The following POTEF variants were observed in gnomAD, a reference collection of about 807,000 sequenced individuals.
POTEF encodes ANKRD26-like family C member 1B.
POTEF carries 20 observed loss-of-function variants against 83.2 expected under a neutral mutation model. The ratio of observed to expected loss-of-function variants is 0.24; its 90% CI spans 0.17 to 0.35. The LOEUF is 0.35. Ranked by LOEUF, POTEF falls within the 10% of genes least tolerant of loss-of-function variation. POTEF has a pLI of 1.00. For missense variants in POTEF, 550 were observed against 1,203.2 expected (o/e 0.46, Z 8.03); for synonymous variants, 196 against 446.4 (o/e 0.44, Z 7.07).
At chr2:130,110,314 G>A (rs1236061483) in intron 7 of POTEF, among the ~76,000 whole-genome samples, 1 of 149,518 alleles carries the variant, frequency 6.7e-6, no homozygotes, top group Non-Finnish European at 1.5e-5. Context: ...GGATCTCTAA[G>A]GATAAAGATC....
In POTEF at chr2:130,107,583, C is replaced by T. The variant is rs187512159; in HGVS notation, c.1126+426G>A. Reference sequence around the variant, plus strand: ...CTGTATTTACAGCCACTCCTTATGGCTCATATTACAGCCTCTACTCTGCCT... The same window carrying T: ...CTGTATTTACAGCCACTCCTTATGGTTCATATTACAGCCTCTACTCTGCCT... On this transcript the variant is annotated intron_variant, in intron 8 of 16. Transcript: ENST00000409914. 6.4e-3 allele frequency: 1,506 copies of T among 233,586 alleles called. 65 individuals carry two copies. Among genetic ancestry groups the T allele is most frequent in the Middle Eastern group, 0.027 (16 of 596 alleles). 14.5% of individuals were successfully genotyped at this position (233,586 alleles called of 1,614,324 possible).
chr2:130,086,280 CTT>C, intron 14 of POTEF, 61 bp downstream of exon 14: 1 of 1,170,802 alleles, frequency 8.5e-7, no homozygotes, highest in Non-Finnish European at 1.2e-6. Context: ...ATTTACTACA[CTT>C]TGTTAAACAA....
chr2:130,121,941 A>G (rs1167103785), intron 2 of POTEF, among the ~76,000 whole-genome samples: 5 of 149,646 alleles, frequency 3.3e-5, no homozygotes, highest in Admixed American at 1.3e-4. Context: ...CCCATTAGCA[A>G]TCTTTCCCTA....
intron 2 of POTEF, among the ~76,000 whole-genome samples, chr2:130,126,305 A>C (rs1685090919): frequency 6.4e-4 from 1 of 1,574 alleles, no homozygotes; most frequent in Non-Finnish European, 2.1e-3. Flanking sequence ...CTCCATCTCA[A>C]AAAAAAAAAA....
At chr2:130,115,802 A>C (rs1684830573) in intron 3 of POTEF, among the ~76,000 whole-genome samples, 1 of 152,136 alleles carries the variant, frequency 6.6e-6, no homozygotes, top group South Asian at 2.1e-4. Flanking sequence ...TTGAATTGAG[A>C]TGATACAATT....
In POTEF at chr2:130,097,763, AAAT is replaced by A. The variant is rs1363402756; in HGVS notation, c.1409+1704_1409+1706del. 5.3e-5 allele frequency among the ~76,000 whole-genome samples: 8 copies of A among 152,156 alleles called. No individual in the cohort carries two copies. In the South Asian group the frequency reaches 1.2e-3, roughly 24 times the overall value. Reference sequence around the variant, plus strand: ...AGGAATAAAGTGGGAGAAATGCAGAAAATAATCTTATTTTATAAATGAAATTTT... The same window carrying A: ...AGGAATAAAGTGGGAGAAATGCAGAAAATCTTATTTTATAAATGAAATTTT... On this transcript the variant is annotated intron_variant, in intron 11 of 16. Coordinates refer to ENST00000409914, the MANE Select transcript of POTEF (RefSeq NM_001099771.2).
At chr2:130,128,469 A>T (rs1489892613) in intron 1 of POTEF, among the ~76,000 whole-genome samples, 2 of 148,278 alleles carry the variant, frequency 1.3e-5, no homozygotes, top group Non-Finnish European at 3.0e-5. Context: ...CCCTAACCTG[A>T]CCCCTGCCGC....
At chr2:130,095,025 CTTT>C (rs1189045004) in intron 11 of POTEF, among the ~76,000 whole-genome samples, 2 of 107,086 alleles carry the variant, frequency 1.9e-5, no homozygotes, top group African/African-American at 3.4e-5. Flanking sequence ...CCATGTCAAA[CTTT>C]TTTTTTTTTT....
At chr2:130,117,250 G>A (rs913004598) in intron 3 of POTEF, among the ~76,000 whole-genome samples, 41 of 149,908 alleles carry the variant, frequency 2.7e-4, no homozygotes, top group Non-Finnish European at 2.9e-5. Context: ...AAATCTACAG[G>A]AACAGGTAAA....
chr2:130,120,459 A>G lies in POTEF; in HGVS notation c.57T>C (p.Gly19=), dbSNP rs1430109247. 1.2e-6 allele frequency: 2 copies of G among 1,613,586 alleles called. No homozygotes were observed. Among genetic ancestry groups the G allele is most frequent in the East Asian group, 4.5e-5 (2 of 44,796 alleles). ...PAASSVKKPF[G]LRSKMGKWCC... ...ACCACTTGCCCATCTTGCTCCTGAG[A>G]CCAAATGGCTTCTTCACAGAAGAGG... Residue 19 remains glycine, a synonymous_variant, in exon 3 of 17, where the codon GGT becomes GGC. Coordinates refer to ENST00000409914, the MANE Select transcript of POTEF (RefSeq NM_001099771.2).
rs1327895668 is a variant in POTEF, at chr2:130,075,358, G to A, written c.2114C>T (p.Thr705Ile). ...GCCGTTGTCAATGACGAGCACAGCG[G>A]TATCATCATCCATGGTGAGCTCATT... ...QLNELTMDDDTAVLVIDNGSG... is the reference protein window; with the variant it reads ...QLNELTMDDDIAVLVIDNGSG... The change falls in exon 17 of 17, where the codon ACC becomes ATC. Residue 705 changes from threonine to isoleucine, a missense_variant. By Grantham distance (89) the Thr-to-Ile change is moderately conservative. Coordinates refer to ENST00000409914, the MANE Select transcript of POTEF (RefSeq NM_001099771.2). 3 of 1,612,278 alleles carry A rather than the reference G, an allele frequency of 1.9e-6. No homozygotes were observed. The highest frequency in any genetic ancestry group is 1.7e-5 in the Admixed American group (1 of 59,976).
intron 3 of POTEF, among the ~76,000 whole-genome samples, chr2:130,116,330 C>T (rs1037973827): frequency 8.0e-5 from 12 of 150,306 alleles, no homozygotes; most frequent in African/African-American, 2.5e-4. Context: ...ATTTATGAAA[C>T]GATTTGTGGA....
intron 16 of POTEF, among the ~76,000 whole-genome samples, chr2:130,076,764 C>G (rs1683817850): frequency 6.6e-6 from 1 of 151,176 alleles, no homozygotes; most frequent in Middle Eastern, 3.2e-3. Flanking sequence ...AAACTAATGT[C>G]CAAAAACGAG....
intron 16 of POTEF, among the ~76,000 whole-genome samples, chr2:130,076,521 A>G (rs1683810174): frequency 1.3e-5 from 2 of 149,268 alleles, no homozygotes; most frequent in Admixed American, 1.3e-4. Context: ...ATACTGAACT[A>G]TTTCTCCAGA....
rs368978604 is a variant in POTEF at position 130,074,855 on chromosome 2, G to C, written c.2617C>G (p.His873Asp). The C allele has an allele frequency of 1.3e-6, 2 of 1,542,090 alleles. No individual in the cohort carries two copies. The highest frequency in any genetic ancestry group is 3.6e-5 in the Admixed American group (2 of 54,974). Reference protein sequence around the residue: ...VPIYEGNALPHATLRLDLAGR... With the variant: ...VPIYEGNALPDATLRLDLAGR... ...GCCAGGTCTAGGCGCAGGGTGGCAT[G>C]GGGGAGGGCATTCCCCTCATAGATG... The change falls in exon 17 of 17, where the codon CAT becomes GAT. Residue 873 changes from histidine (H) to aspartate (D), a missense_variant. Coordinates refer to ENST00000409914, the MANE Select transcript of POTEF (RefSeq NM_001099771.2).
intron 5 of POTEF, 106 bp downstream of exon 5, chr2:130,114,775 T>G: frequency 6.7e-7 from 1 of 1,489,972 alleles, no homozygotes; most frequent in South Asian, 1.3e-5. Context: ...ATATTTCCAT[T>G]CAGGTTATGC....
chr2:130,100,835 A>G (rs1684350525), intron 9 of POTEF, 115 bp from the exon 10 acceptor site: 1 of 772,430 alleles, frequency 1.3e-6, no homozygotes, highest in Non-Finnish European at 1.8e-6. Flanking sequence ...ATGGACAATG[A>G]AAAATTAGAA....
intron 2 of POTEF, among the ~76,000 whole-genome samples, chr2:130,121,128 C>CGCGTGCGCGTGTG (rs1558896940): frequency 6.7e-6 from 1 of 150,192 alleles, no homozygotes; most frequent in African/African-American, 2.5e-5. Context: ...GCGCGGCGTG[C>CGCGTGCGCGTGTG]GCGTGCGCGT....
At chr2:130,111,351 C>T (rs1226786843) in intron 6 of POTEF, among the ~76,000 whole-genome samples, 1 of 151,614 alleles carries the variant, frequency 6.6e-6, no homozygotes, top group Non-Finnish European at 1.5e-5. Context: ...CACCCACGTA[C>T]GGCTTGTCTT....
Sources: allele counts gnomAD v4.1 joint callset (sites outside exome capture counted in the v4.1 genomes callset), GRCh38; gene constraint gnomAD v4.1.1; transcripts MANE v1.5; gene names NCBI Gene and HGNC (gene_info 2026-07-23, HGNC 2026-07-21).